Variants in ARHGAP6 observed in about 807,000 individuals in gnomAD.
The protein encoded by ARHGAP6 is rho GTPase-activating protein 6.
In ARHGAP6, 16 loss-of-function variants were observed where a neutral mutation model predicts 55.7. That is an observed-to-expected ratio of 0.29 (90% CI 0.19 to 0.44). ARHGAP6 has a LOEUF of 0.44. Among genes scored for constraint, ARHGAP6 ranks in the 20% least tolerant of loss-of-function variants. The probability of loss-of-function intolerance (pLI) is 1.00; values close to 1 mark genes in which losing one functional copy is unlikely to be tolerated. For synonymous variants in ARHGAP6, 382 were observed against 360.9 expected, an observed-to-expected ratio of 1.06 and a Z score of -0.66; for missense variants, 698 against 808.9, an observed-to-expected ratio of 0.86 and a Z score of 1.66.
At chrX:11,268,388 T>C (rs1035852950) in intron 1 of ARHGAP6, among the ~76,000 whole-genome samples, 1 of 112,000 alleles carries the variant, frequency 8.9e-6, no homozygotes, top group African/African-American at 3.2e-5. Flanking sequence ...AGAAGTTTAC[T>C]GAGCATGTAT....
At chrX:11,468,873 A>T (rs1292093049) in intron 1 of ARHGAP6, among the ~76,000 whole-genome samples, 1 of 112,740 alleles carries the variant, frequency 8.9e-6, no homozygotes, top group Non-Finnish European at 1.9e-5. Flanking sequence ...CTAATGTGAC[A>T]GTATTTGAGG....
At chrX:11,143,075 A>G (rs2045642789) in intron 11 of ARHGAP6, 1 of 111,981 alleles carries the variant, frequency 8.9e-6, no homozygotes, top group Non-Finnish European at 1.9e-5. Context: ...ATCAATATTT[A>G]TGGAGTAAGG....
At chrX:11,377,108 C>G (rs150075132) in intron 1 of ARHGAP6, among the ~76,000 whole-genome samples, 23 of 112,253 alleles carry the variant, frequency 2.0e-4, no homozygotes, top group African/African-American at 7.1e-4. Context: ...TTGCACACTC[C>G]AAATGATCAA....
chrX:11,447,589 A>G (rs1254300251), intron 1 of ARHGAP6, among the ~76,000 whole-genome samples: 2 of 112,576 alleles, frequency 1.8e-5, no homozygotes, highest in Non-Finnish European at 3.8e-5. Flanking sequence ...GCAAAGCTGA[A>G]AATATTTACT....
At chrX:11,566,179 C>T (rs1287126006) in intron 1 of ARHGAP6, among the ~76,000 whole-genome samples, 2 of 111,928 alleles carry the variant, frequency 1.8e-5, no homozygotes, top group African/African-American at 6.5e-5. Context: ...GCTGATAATC[C>T]ACCAGAGGCT....
intron 1 of ARHGAP6, among the ~76,000 whole-genome samples, chrX:11,592,052 T>C (rs962389565): frequency 1.8e-5 from 2 of 110,956 alleles, no homozygotes; most frequent in Admixed American, 9.6e-5. Context: ...CAGGAAAAAA[T>C]AGGAGCATGA....
At chrX:11,211,315 G>A (rs1004173047) in intron 2 of ARHGAP6, among the ~76,000 whole-genome samples, 2 of 104,959 alleles carry the variant, frequency 1.9e-5, no homozygotes, top group Non-Finnish European at 3.9e-5. Flanking sequence ...TCCGCCTCCT[G>A]GGTTCACGCC....
intron 1 of ARHGAP6, among the ~76,000 whole-genome samples, chrX:11,373,094 AACACACAC>A (rs71907621): frequency 1.4e-4 from 14 of 98,863 alleles, no homozygotes; most frequent in African/African-American, 2.6e-4. Flanking sequence ...CACACACACA[AACACACAC>A]ACACACACAC....
intron 1 of ARHGAP6, among the ~76,000 whole-genome samples, chrX:11,624,269 T>G (rs1268976664): frequency 8.9e-6 from 1 of 112,486 alleles, no homozygotes; most frequent in Non-Finnish European, 1.9e-5. Context: ...AGTATGAAAC[T>G]ACTAGAAGAA....
chrX:11,361,748 C>A (rs1380551237), intron 1 of ARHGAP6, among the ~76,000 whole-genome samples: 1 of 110,957 alleles, frequency 9.0e-6, no homozygotes, highest in African/African-American at 3.3e-5. Flanking sequence ...TTTTTGCAAC[C>A]TACTCATCTC....
chrX:11,392,237 C>T (rs1489983838), intron 1 of ARHGAP6, among the ~76,000 whole-genome samples: 1 of 111,842 alleles, frequency 8.9e-6, no homozygotes, highest in African/African-American at 3.3e-5. Flanking sequence ...TTGCCCCAGC[C>T]TTAGCTTTTG....
intron 11 of ARHGAP6, chrX:11,142,673 A>G (rs1158572352): frequency 2.6e-5 from 3 of 115,010 alleles, no homozygotes; most frequent in African/African-American, 9.8e-5. Flanking sequence ...ATATAATTAC[A>G]AGGGTCCTTA....
intron 1 of ARHGAP6, among the ~76,000 whole-genome samples, chrX:11,568,011 A>G (rs2051465900): frequency 9.0e-6 from 1 of 111,634 alleles, no homozygotes. Flanking sequence ...ACACCCAGGC[A>G]ATTCCCACTG....
intron 1 of ARHGAP6, among the ~76,000 whole-genome samples, chrX:11,452,091 G>A (rs1198866766): frequency 8.9e-6 from 1 of 112,108 alleles, no homozygotes; most frequent in Non-Finnish European, 1.9e-5. Flanking sequence ...ATCATTCAAG[G>A]AATATCTATT....
intron 1 of ARHGAP6, among the ~76,000 whole-genome samples, chrX:11,456,387 G>A (rs1444816984): frequency 1.8e-5 from 2 of 111,314 alleles, no homozygotes; most frequent in Non-Finnish European, 3.8e-5. Context: ...GATTTTCTTC[G>A]AGGAAAACAA....
intron 1 of ARHGAP6, among the ~76,000 whole-genome samples, chrX:11,271,849 C>A (rs2047697430): frequency 9.0e-6 from 1 of 111,655 alleles, no homozygotes; most frequent in African/African-American, 3.2e-5. Context: ...GGCTACATTT[C>A]TAGGCTGCAG....
chrX:11,580,129 T>C, intron 1 of ARHGAP6, among the ~76,000 whole-genome samples: 1 of 111,864 alleles, frequency 8.9e-6, no homozygotes. Flanking sequence ...GAGGTATCTA[T>C]GAGGATGATA....
At chrX:11,565,274 C>T (rs2070674776) in intron 1 of ARHGAP6, among the ~76,000 whole-genome samples, 1 of 112,143 alleles carries the variant, frequency 8.9e-6, no homozygotes, top group Admixed American at 9.5e-5. Context: ...TTTTTCTCAG[C>T]ACCTTCAGTT....
chrX:11,354,123 T>C (rs1195848291), intron 1 of ARHGAP6, among the ~76,000 whole-genome samples: 1 of 109,338 alleles, frequency 9.1e-6, no homozygotes, highest in Non-Finnish European at 1.9e-5. Flanking sequence ...AGTGTTTCCA[T>C]TATCTGCCAA....
Sources: gnomAD v4.1 joint callset for allele counts (sites outside exome capture counted in the v4.1 genomes callset) on GRCh38, gnomAD v4.1.1 for gene constraint, MANE v1.5 for transcripts, NCBI Gene and HGNC (gene_info 2026-07-23, HGNC 2026-07-21) for gene names.